The following CCDC181 variants were observed in gnomAD, a reference collection of about 807,000 sequenced individuals.
CCDC181 encodes the protein coiled-coil domain containing 181.
Under a neutral mutation model 58.7 loss-of-function variants are expected in CCDC181, and 35 were observed. The observed-to-expected ratio is 0.60, with a 90% CI of 0.46 to 0.79. The LOEUF (loss-of-function observed/expected upper bound fraction) is 0.79, where lower values mean the gene tolerates loss of function less well. Among genes scored for constraint, CCDC181 ranks in the 30% least tolerant of loss-of-function variants. The pLI is 0.00. For synonymous variants in CCDC181, 183 were observed against 197.5 expected (o/e 0.93, Z 0.62); for missense variants, 517 against 583.9 (o/e 0.89, Z 1.18).
intron 4 of CCDC181, chr1:169,418,672 C>A: frequency 5.1e-5 from 13 of 256,900 alleles, no homozygotes; most frequent in East Asian, 7.4e-5. Context: ...TATTTCTATA[C>A]GTCTAGTCTT....
chr1:169,422,327 A>AT lies in CCDC181; in HGVS notation c.118-15dup. On this transcript the variant is annotated splice_polypyrimidine_tract_variant and intron_variant, in intron 2 of 5. Transcript: ENST00000367806. ...CTCACAAGCCATCTAAAAACAAGAT[A>AT]TTTTTCAGTCAAAATTGAGATTCTT... 6.7e-7 allele frequency: 1 copy of AT among 1,497,890 alleles called. No homozygotes were observed. The highest frequency in any genetic ancestry group is 9.0e-7 in the Non-Finnish European group (1 of 1,113,322). 92.8% of individuals were successfully genotyped at this position (1,497,890 alleles called of 1,614,324 possible). A position where few individuals can be genotyped will look rare whatever the true frequency, so the allele number is the denominator to read the frequency against.
At chr1:169,406,735 T>A (rs2102058159) in intron 4 of CCDC181, among the ~76,000 whole-genome samples, 1 of 151,550 alleles carries the variant, frequency 6.6e-6, no homozygotes, top group East Asian at 1.9e-4. Context: ...TGTATACATA[T>A]GTAACAAACC....
chr1:169,397,432 G>C (rs2102035934), intron 4 of CCDC181, 41 bp from the exon 5 acceptor site: 2 of 1,529,842 alleles, frequency 1.3e-6, no homozygotes, highest in East Asian at 2.3e-5. Flanking sequence ...AGATAAACAA[G>C]AACTACATTT....
chr1:169,421,828 G>A lies in CCDC181; in HGVS notation c.603C>T (p.Leu201=), dbSNP rs747853882. Reference sequence around the variant, plus strand: ...CACAGCTTCCATTAGTAAGTGACAGGAGCACATCTTCTTGTCCAAAATCAT... The same window carrying A: ...CACAGCTTCCATTAGTAAGTGACAGAAGCACATCTTCTTGTCCAAAATCAT... ...ISNDFGQEDV[L]LSLTNGSCEE... is the part of the protein sequence containing the mutation. The change falls in exon 3 of 6, where the codon CTC becomes CTT. Residue 201 remains leucine, a synonymous_variant. Coordinates refer to ENST00000367806, the MANE Select transcript of CCDC181 (RefSeq NM_001300969.2). 1.9e-6 allele frequency: 3 copies of A among 1,613,844 alleles called. No individual in the cohort carries two copies. Among genetic ancestry groups the A allele is most frequent in the African/African-American group, 1.3e-5 (1 of 74,896 alleles).
chr1:169,440,931 T>TCAAAAAAAAAAAAAAAA (rs1657206514), intron 2 of CCDC181, among the ~76,000 whole-genome samples: 1 of 76,904 alleles, frequency 1.3e-5, no homozygotes, highest in Non-Finnish European at 2.7e-5. Flanking sequence ...CAAGACTGTC[T>TCAAAAAAAAAAAAAAAA]AAAAAAAAAA....
chr1:169,398,728 C>T (rs1301956677), intron 4 of CCDC181, among the ~76,000 whole-genome samples: 1 of 152,166 alleles, frequency 6.6e-6, no homozygotes, highest in East Asian at 1.9e-4. Context: ...ATGGACAGTG[C>T]AAATACAGAA....
chr1:169,408,589 G>T (rs867167839), intron 4 of CCDC181, among the ~76,000 whole-genome samples: 2 of 152,156 alleles, frequency 1.3e-5, no homozygotes, highest in African/African-American at 4.8e-5. Flanking sequence ...TAACCCCCGC[G>T]CCTCCTGACT....
Position 169,420,397 on chromosome 1 carries a change from C to CTT in CCDC181, c.1068+964_1068+965dup, listed in dbSNP as rs58922330. Among the ~76,000 whole-genome samples, 7,058 of 133,918 alleles carry CTT rather than the reference C, an allele frequency of 0.053. 1,118 individuals carry two copies. The East Asian group carries it at 0.63, about 12-fold the overall frequency. 87.9% of individuals were successfully genotyped at this position (133,918 alleles called of 152,430 possible). A position where few individuals can be genotyped will look rare whatever the true frequency, so the allele number is the denominator to read the frequency against. ...CACGTTCTTACGAAGTCATGTTTCA[C>CTT]TTTTTTTTTTTTTTTTTGCTAATGC... On this transcript the variant is annotated intron_variant, in intron 3 of 5. Transcript: ENST00000367806.
intron 2 of CCDC181, among the ~76,000 whole-genome samples, chr1:169,432,586 G>A (rs12059132): frequency 0.059 from 9,031 of 152,152 alleles, 342 homozygotes; most frequent in East Asian, 0.12. Flanking sequence ...CTCATCACAT[G>A]CAAGGGATTT....
rs16862182 is a variant in CCDC181 at position 169,444,736 on chromosome 1, G to A, written c.-24+15061C>T. ...TGGTGGCTACATATTTTTCTTCTCT[G>A]GCCTTGGCACATTTCTTAAGCTAAT... On this transcript the variant is annotated intron_variant, in intron 2 of 6. Transcript: ENST00000545005. Among the ~76,000 whole-genome samples the A allele has an allele frequency of 9.1e-3, 1,390 of 152,056 alleles. 19 individuals carry two copies. Among genetic ancestry groups the A allele is most frequent in the African/African-American group, 0.031 (1,302 of 41,482 alleles).
upstream of CCDC181, among the ~76,000 whole-genome samples, chr1:169,431,590 A>C (rs1656921111): frequency 6.6e-6 from 1 of 152,210 alleles, no homozygotes; most frequent in Non-Finnish European, 1.5e-5. Context: ...AGTCTATTAA[A>C]GGCTTGCAAC....
chr1:169,439,866 A>G (rs1657162665), intron 2 of CCDC181, among the ~76,000 whole-genome samples: 1 of 152,040 alleles, frequency 6.6e-6, no homozygotes, highest in Non-Finnish European at 1.5e-5. Flanking sequence ...CAGCCATCCC[A>G]TCTCCTCTCT....
intron 2 of CCDC181, among the ~76,000 whole-genome samples, chr1:169,423,909 T>G (rs1656604819): frequency 6.6e-6 from 1 of 151,988 alleles, no homozygotes; most frequent in Admixed American, 6.6e-5. Context: ...CCATTTGTCT[T>G]TTCCATTATA....
intron 1 of CCDC181, chr1:169,460,126 T>A (rs1657804164): frequency 6.6e-6 from 1 of 152,170 alleles, no homozygotes. Flanking sequence ...TACCCCCTTT[T>A]ATTTACTTAT....
At chr1:169,414,121 A>T (rs1175290849) in intron 4 of CCDC181, among the ~76,000 whole-genome samples, 1 of 152,242 alleles carries the variant, frequency 6.6e-6, no homozygotes, top group Non-Finnish European at 1.5e-5. Context: ...TTTAAATATA[A>T]AGCCACAGAT....
chr1:169,426,135 G>GT (rs1454243408), intron 1 of CCDC181, among the ~76,000 whole-genome samples: 1 of 152,032 alleles, frequency 6.6e-6, no homozygotes, highest in African/African-American at 2.4e-5. Context: ...TTCTTTTGTT[G>GT]TAACTTAAAA....
intron 4 of CCDC181, among the ~76,000 whole-genome samples, chr1:169,404,523 C>T (rs1232837516): frequency 3.3e-5 from 5 of 152,130 alleles, no homozygotes; most frequent in Admixed American, 1.3e-4. Flanking sequence ...AATCAATAAA[C>T]GTAATCCATC....
At chr1:169,447,585 T>A (rs1356050656) in intron 2 of CCDC181, among the ~76,000 whole-genome samples, 3 of 152,220 alleles carry the variant, frequency 2.0e-5, no homozygotes, top group African/African-American at 7.2e-5. Context: ...ATATCCTTAC[T>A]GACTTTCTGC....
chr1:169,438,102 G>C (rs1055618409), intron 2 of CCDC181, among the ~76,000 whole-genome samples: 3 of 152,072 alleles, frequency 2.0e-5, no homozygotes, highest in Non-Finnish European at 2.9e-5. Context: ...CTAAACCCAT[G>C]TTCTATCCTG....
Sources: allele counts gnomAD v4.1 joint callset (sites outside exome capture counted in the v4.1 genomes callset), GRCh38; gene constraint gnomAD v4.1.1; transcripts MANE v1.5; gene names NCBI Gene and HGNC (gene_info 2026-07-23, HGNC 2026-07-21).